Variants in PSMC4 observed in about 807,000 individuals in gnomAD.
PSMC4 encodes the protein 26S proteasome regulatory subunit 6B.
Under a neutral mutation model 48.4 loss-of-function variants are expected in PSMC4, and 13 were observed. The ratio of observed to expected loss-of-function variants is 0.27; its 90% CI spans 0.18 to 0.43. The LOEUF (loss-of-function observed/expected upper bound fraction) is 0.43. Among genes scored for constraint, PSMC4 ranks in the 20% least tolerant of loss-of-function variants. The pLI, the probability that PSMC4 is intolerant of heterozygous loss-of-function variation, is 1.00. For synonymous variants in PSMC4, 202 were observed against 212.3 expected (o/e 0.95, Z 0.42); for missense variants, 262 against 555.9 (o/e 0.47, Z 5.32).
chr19:39,980,768 T>A lies in PSMC4; in HGVS notation c.1143+51T>A, dbSNP rs749062570. 1.9e-6 allele frequency: 3 copies of A among 1,575,192 alleles called. No individual in the cohort carries two copies. Among genetic ancestry groups the A allele is most frequent in the Non-Finnish European group, 2.6e-6 (3 of 1,144,994 alleles). On this transcript the variant is annotated intron_variant, in intron 10 of 10. Transcript: ENST00000157812. The surrounding 1 kb of genome is among the most constrained non-coding windows in gnomAD (Gnocchi z 4.8). ...CAGGCAGCGGGTGTGTGAGGACCCT[T>A]CTTCTCTGAACCACTCTGCTGCAGT... is the stretch of plus-strand genomic sequence containing the variant.
intron 6 of PSMC4, chr19:39,979,602 T>G: frequency 7.8e-6 from 3 of 385,432 alleles, no homozygotes; most frequent in East Asian, 3.9e-5. Flanking sequence ...GGATGATTCA[T>G]GATTTAGGCC....
Position 39,981,241 on chromosome 19 carries a change from A to G in PSMC4, c.1193A>G (p.Asp398Gly), listed in dbSNP as rs1358196230. The G allele has an allele frequency of 6.2e-7, 1 of 1,614,064 alleles. No homozygotes were observed. The highest frequency in any genetic ancestry group is 8.5e-7 in the Non-Finnish European group (1 of 1,180,004). ...AACCGCTACATTGTCCTGGCCAAGG[A>G]CTTCGAGAAAGCATACAAGACTGTC... ...RENRYIVLAK[D>G]FEKAYKTVIK... Residue 398 changes from aspartate (D) to glycine (G), a missense_variant, in exon 11 of 11, where the codon GAC (aspartate) becomes GGC (glycine). Coordinates refer to ENST00000157812, the MANE Select transcript of PSMC4 (RefSeq NM_006503.4).
intron 6 of PSMC4, 32 bp from the exon 7 acceptor site, chr19:39,979,785 T>C (rs779243167): frequency 1.9e-6 from 3 of 1,585,098 alleles, no homozygotes; most frequent in East Asian, 4.5e-5. Context: ...AGGAGGCTCA[T>C]TCCCGCCTAA....
At chr19:39,981,044 A>G in intron 10 of PSMC4, 148 bp from the exon 11 acceptor site, 2 of 638,524 alleles carry the variant, frequency 3.1e-6, no homozygotes, top group South Asian at 3.8e-5. Flanking sequence ...TTTTGTAGAG[A>G]CAGGGTTTCA....
rs764787554 is a variant in PSMC4, at chr19:39,974,844, C to T, written c.673+16C>T. 10 of 1,605,196 alleles carry T rather than the reference C, an allele frequency of 6.2e-6. No individual in the cohort carries two copies. Among genetic ancestry groups the T allele is most frequent in the Non-Finnish European group, 6.0e-6 (7 of 1,172,674 alleles). ...CACACAACAGGTGAGCCCTTTCGCC[C>T]CTGCCCCGAGCTCTCATCTTCTGGC... On this transcript the variant is annotated intron_variant, in intron 6 of 10. Transcript: ENST00000157812. The surrounding 1 kb of genome is among the most constrained non-coding windows in gnomAD (Gnocchi z 5.5).
rs149889186 is a variant in PSMC4, at chr19:39,972,170, T to G, written c.61T>G (p.Ser21Ala). The change falls in exon 2 of 11, where the codon TCC becomes GCC. Residue 21 changes from serine (S) to alanine (A), a missense_variant. Transcript: ENST00000157812. ...AQDEIPALSV[S>A]RPQTGLSFLG... ...GGATGAGATCCCAGCACTGTCCGTG[T>G]CCCGGCCCCAGACCGGCCTGTCCTT... 46 of 1,614,086 alleles carry G rather than the reference T, an allele frequency of 2.8e-5. No individual in the cohort carries two copies. The African/African-American group carries it at 4.8e-4, about 17-fold the overall frequency.
intron 6 of PSMC4, among the ~76,000 whole-genome samples, chr19:39,975,969 C>T (rs927222192): frequency 6.6e-6 from 1 of 152,084 alleles, no homozygotes; most frequent in Non-Finnish European, 1.5e-5. Context: ...GAGACATGGG[C>T]CAGGCGCGGT....
At chr19:39,972,663 G>T in intron 3 of PSMC4, 108 bp downstream of exon 3, 1 of 912,528 alleles carries the variant, frequency 1.1e-6, no homozygotes, top group African/African-American at 1.7e-5. Flanking sequence ...ATGTTCTTCA[G>T]AGTATTTTGA....
chr19:39,976,834 T>A (rs900369042), intron 6 of PSMC4, among the ~76,000 whole-genome samples: 2 of 146,238 alleles, frequency 1.4e-5, no homozygotes, highest in Non-Finnish European at 3.0e-5. Flanking sequence ...AACATGAGAT[T>A]TTTTGTGTGT....
rs748197012 is a variant in PSMC4, at chr19:39,974,752, C to G, written c.597C>G (p.Pro199=). Reference sequence around the variant, plus strand: ...GGTTTCAGATCGGCATCGATCCCCCCCGAGGCGTCCTCATGTATGGCCCAC... The same window carrying G: ...GGTTTCAGATCGGCATCGATCCCCCGCGAGGCGTCCTCATGTATGGCCCAC... ...ELYKQIGIDP[P]RGVLMYGPPG... is the part of the protein sequence containing the mutation. The change falls in exon 6 of 11, where the codon CCC becomes CCG. Residue 199 remains proline (P), a synonymous_variant. Transcript: ENST00000157812. This position sits in a 1 kb window ranked among gnomAD's most constrained non-coding sequence, Gnocchi z 5.5. 56 of 1,614,074 alleles carry G rather than the reference C, an allele frequency of 3.5e-5. No individual in the cohort carries two copies. In the East Asian group the frequency reaches 4.2e-4, roughly 12 times the overall value.
intron 3 of PSMC4, among the ~76,000 whole-genome samples, chr19:39,973,692 T>G (rs1024226407): frequency 1.3e-5 from 2 of 152,058 alleles, no homozygotes; most frequent in Non-Finnish European, 2.9e-5. Context: ...GCCCTCTTGA[T>G]AGTCATTGTC....
chr19:39,977,008 T>A (rs9917073), intron 6 of PSMC4, among the ~76,000 whole-genome samples: 3 of 151,762 alleles, frequency 2.0e-5, no homozygotes, highest in African/African-American at 4.8e-5. Flanking sequence ...TGCCACCACA[T>A]CTGGCTAATT....
chr19:39,976,109 C>A (rs1422412160), intron 6 of PSMC4, among the ~76,000 whole-genome samples: 1 of 151,658 alleles, frequency 6.6e-6, no homozygotes, highest in Non-Finnish European at 1.5e-5. Context: ...TGGTGGCGGT[C>A]GCCTGTAGTC....
At chr19:39,975,231 T>C (rs1401140603) in intron 6 of PSMC4, among the ~76,000 whole-genome samples, 1 of 152,198 alleles carries the variant, frequency 6.6e-6, no homozygotes, top group African/African-American at 2.4e-5. Flanking sequence ...TTCATACAGA[T>C]GTGCACACTC....
In PSMC4 at chr19:39,981,756, T is replaced by C. The variant is rs1971290403; in HGVS notation, c.*451T>C. On this transcript the variant is annotated 3_prime_UTR_variant, in exon 11 of 11. Transcript: ENST00000157812. ...GAAGGAGATGTCCAGTGCTGTCCAG[T>C]AGAACTTTGCACAATGATGGATATG... is the stretch of plus-strand genomic sequence containing the variant. Among the ~76,000 whole-genome samples the C allele has an allele frequency of 6.6e-6, 1 of 151,228 alleles. No homozygotes were observed. The highest frequency in any genetic ancestry group is 1.5e-5 in the Non-Finnish European group (1 of 68,008).
At position 39,981,604 on chromosome 19, in the gene PSMC4, G is replaced by A. The variant is rs1748973423; in HGVS notation, c.*299G>A. ...AACCAGATGACTTCCAAAATGTGGG[G>A]AAAGGGATGGAAAATGAACCTGAGA... On this transcript the variant is annotated 3_prime_UTR_variant, in exon 11 of 11. Transcript: ENST00000157812. 6.6e-6 allele frequency among the ~76,000 whole-genome samples: 1 copy of A among 152,120 alleles called. No individual in the cohort carries two copies. Among genetic ancestry groups the A allele is most frequent in the Non-Finnish European group, 1.5e-5 (1 of 68,018 alleles).
rs751137497 is a variant in PSMC4, at chr19:39,971,199, C to T, written c.-4C>T. 1.9e-6 allele frequency: 3 copies of T among 1,613,808 alleles called. No individual in the cohort carries two copies. The highest frequency in any genetic ancestry group is 1.1e-5 in the South Asian group (1 of 91,014). Reference sequence around the variant, plus strand: ...CAGGCCACACAGAGGCCGGCTTGGTCACTATGGAGGAGATAGGCATCTTGG... The same window carrying T: ...CAGGCCACACAGAGGCCGGCTTGGTTACTATGGAGGAGATAGGCATCTTGG... On this transcript the variant is annotated 5_prime_UTR_variant, in exon 1 of 11. Transcript: ENST00000157812.
rs1971162074 is a variant in PSMC4 at position 39,974,474 on chromosome 19, T to TG, written c.469+38dup. 2.5e-6 allele frequency: 4 copies of TG among 1,613,500 alleles called. No individual in the cohort carries two copies. Among genetic ancestry groups the TG allele is most frequent in the Non-Finnish European group, 3.4e-6 (4 of 1,179,590 alleles). On this transcript the variant is annotated intron_variant, in intron 4 of 10. Coordinates refer to ENST00000157812, the MANE Select transcript of PSMC4 (RefSeq NM_006503.4). The surrounding 1 kb of genome is among the most constrained non-coding windows in gnomAD (Gnocchi z 5.5). ...GGAGCCTGCAGCTGGGAGGGCCCCA[T>TG]GGGGACCTTGAGGACCTGGCCAGGA...
At position 39,971,783 on chromosome 19, in the gene PSMC4, C is replaced by T. The variant is rs570267296; in HGVS notation, c.37-363C>T. ...CTCGTTGAAGGCGCAGTCACTTTAA[C>T]AGCCTATCTAGGAGAGCCATGTGAC... On this transcript the variant is annotated intron_variant, in intron 1 of 10. Coordinates refer to ENST00000157812, the MANE Select transcript of PSMC4 (RefSeq NM_006503.4). Among the ~76,000 whole-genome samples the T allele has an allele frequency of 7.2e-4, 110 of 152,228 alleles. 1 individual carries two copies. The highest frequency in any genetic ancestry group is 1.4e-3 in the Non-Finnish European group (98 of 68,030).
Sources: allele counts gnomAD v4.1 joint callset (sites outside exome capture counted in the v4.1 genomes callset), GRCh38; gene constraint gnomAD v4.1.1; non-coding constraint Gnocchi (gnomAD v3.1); transcripts MANE v1.5; gene names NCBI Gene and HGNC (gene_info 2026-07-23, HGNC 2026-07-21).